TOX3: variants seen among roughly 807,000 people sequenced by gnomAD.
The protein encoded by TOX3 is CAG trinucleotide repeat-containing gene F9 protein.
TOX3 carries 22 observed loss-of-function variants against 64.3 expected under a neutral mutation model. The ratio of observed to expected loss-of-function variants is 0.34; its 90% CI spans 0.24 to 0.49. The LOEUF (loss-of-function observed/expected upper bound fraction) is 0.49, where lower values mean the gene tolerates loss of function less well. Ranked by LOEUF, TOX3 falls within the 20% of genes least tolerant of loss-of-function variation. The pLI is 0.99. For missense variants in TOX3, 661 were observed against 714.4 expected, an observed-to-expected ratio of 0.93 and a Z score of 0.85; for synonymous variants, 291 against 273.6, an observed-to-expected ratio of 1.06 and a Z score of -0.63.
intron 1 of TOX3, among the ~76,000 whole-genome samples, chr16:52,487,972 T>C (rs1961576110): frequency 6.6e-6 from 1 of 152,192 alleles, no homozygotes; most frequent in Non-Finnish European, 1.5e-5. Flanking sequence ...CTGACCCATA[T>C]TGAATCCTTT....
chr16:52,473,516 G>A (rs974020486), intron 1 of TOX3, among the ~76,000 whole-genome samples: 14 of 152,258 alleles, frequency 9.2e-5, no homozygotes, highest in African/African-American at 1.9e-4. Flanking sequence ...TGCCACGCAC[G>A]GTCACATGCT....
intron 1 of TOX3, among the ~76,000 whole-genome samples, chr16:52,534,945 G>C (rs779949536): frequency 3.9e-5 from 6 of 152,078 alleles, no homozygotes; most frequent in Non-Finnish European, 8.8e-5. Context: ...ATGATGTGTG[G>C]TTCTTGCAAA....
intron 3 of TOX3, among the ~76,000 whole-genome samples, chr16:52,460,147 T>G (rs1335129871): frequency 1.3e-5 from 2 of 152,192 alleles, no homozygotes; most frequent in Non-Finnish European, 2.9e-5. Context: ...CTTACTTCCA[T>G]CTTTTTCAAT....
intron 1 of TOX3, among the ~76,000 whole-genome samples, chr16:52,525,164 T>C (rs1328463583): frequency 6.6e-6 from 1 of 152,180 alleles, no homozygotes; most frequent in African/African-American, 2.4e-5. Context: ...CTTGAGAACC[T>C]TTCTGACGAA....
intron 6 of TOX3, among the ~76,000 whole-genome samples, chr16:52,443,075 T>C (rs773976099): frequency 6.6e-6 from 1 of 152,192 alleles, no homozygotes; most frequent in Non-Finnish European, 1.5e-5. Context: ...AAATCACCTA[T>C]ACCTGCTCTG....
At position 52,439,897 on chromosome 16, in the gene TOX3, T is replaced by A. The variant is rs750335349; in HGVS notation, c.1059A>T (p.Thr353=). ...VQQTLASTNL[T]SSLLLNTPLS... is the part of the protein sequence containing the mutation. ...GTGGAGTGTTGAGAAGGAGAGAGGA[T>A]GTTAGATTGGTCGACGCCAGGGTCT... The change falls in exon 7 of 7, where the codon ACA becomes ACT. Residue 353 remains threonine, a synonymous_variant. Transcript: ENST00000219746. The A allele has an allele frequency of 1.9e-6, 3 of 1,612,890 alleles. No individual in the cohort carries two copies. The highest frequency in any genetic ancestry group is 2.5e-6 in the Non-Finnish European group (3 of 1,179,328).
intron 3 of TOX3, among the ~76,000 whole-genome samples, chr16:52,460,140 A>G (rs368313145): frequency 6.6e-6 from 1 of 151,998 alleles, no homozygotes; most frequent in East Asian, 1.9e-4. Flanking sequence ...TACTTTCCTT[A>G]CTTCCATCTT....
At position 52,465,449 on chromosome 16, in the gene TOX3, G is replaced by GT. The variant is rs1293313017; in HGVS notation, c.154-1262dup. ...GTTCTGGGGGAGTGGCAAGGTCTAG[G>GT]TTTTTTTTTGTTTCTTTTTGGTTTT... On this transcript the variant is annotated intron_variant, in intron 2 of 6. Transcript: ENST00000219746. Among the ~76,000 whole-genome samples, 214 of 142,404 alleles carry GT rather than the reference G, an allele frequency of 1.5e-3. 1 individual carries two copies. Among genetic ancestry groups the GT allele is most frequent in the African/African-American group, 4.9e-3 (190 of 38,746 alleles). 93.4% of individuals were successfully genotyped at this position (142,404 alleles called of 152,430 possible).
chr16:52,440,748 C>CTTTTTTTTTTTTTTT (rs1425662404), intron 6 of TOX3, among the ~76,000 whole-genome samples: 1 of 89,456 alleles, frequency 1.1e-5, no homozygotes. Context: ...ATTTTTCTTT[C>CTTTTTTTTTTTTTTT]TTTCTTTTTT....
chr16:52,438,848 G>A lies in TOX3; in HGVS notation c.*377C>T. ...AGGAGTTCAGATAGCCTGGAAGTGTGGTTTACTCACTTCTGGAGAAATAAG... is the reference window on the plus strand; with the variant it reads ...AGGAGTTCAGATAGCCTGGAAGTGTAGTTTACTCACTTCTGGAGAAATAAG... On this transcript the variant is annotated 3_prime_UTR_variant, in exon 7 of 7. Coordinates refer to ENST00000219746, the MANE Select transcript of TOX3 (RefSeq NM_001080430.4). 4.1e-6 allele frequency: 2 copies of A among 490,838 alleles called. No homozygotes were observed. Among genetic ancestry groups the A allele is most frequent in the Non-Finnish European group, 4.0e-6 (1 of 250,954 alleles). 30.4% of individuals were successfully genotyped at this position (490,838 alleles called of 1,614,324 possible).
chr16:52,478,228 C>G (rs1347090394), intron 1 of TOX3, among the ~76,000 whole-genome samples: 4 of 152,190 alleles, frequency 2.6e-5, no homozygotes, highest in Non-Finnish European at 5.9e-5. Context: ...TGGGTGCTGG[C>G]TCCTTCTCCA....
rs141515356 is a variant in TOX3 at position 52,452,535 on chromosome 16, G to C, written c.409-1989C>G. 4.1e-3 allele frequency among the ~76,000 whole-genome samples: 627 copies of C among 151,976 alleles called. 4 individuals carry two copies. The highest frequency in any genetic ancestry group is 0.014 in the African/African-American group (599 of 41,444). On this transcript the variant is annotated intron_variant, in intron 3 of 6. Coordinates refer to ENST00000219746, the MANE Select transcript of TOX3 (RefSeq NM_001080430.4). ...CAAGTCTTTGCTATTGTTGTGGGGT[G>C]GGGGGAATGGGGAGGGATAGCATTA...
chr16:52,440,515 T>C (rs1189482558), intron 6 of TOX3, among the ~76,000 whole-genome samples: 1 of 152,170 alleles, frequency 6.6e-6, no homozygotes, highest in African/African-American at 2.4e-5. Context: ...CACAGCACTA[T>C]TGTGGCAAAA....
Position 52,485,205 on chromosome 16 carries a change from T to TAC in TOX3, c.88-16632_88-16631insGT, listed in dbSNP as rs1491453137. Among the ~76,000 whole-genome samples the TAC allele has an allele frequency of 1.2e-4, 16 of 130,688 alleles. No homozygotes were observed. The East Asian group carries it at 2.2e-3, about 18-fold the overall frequency. The allele number at this position is 130,688 out of a possible 152,430, so 85.7% of individuals were successfully genotyped here. On this transcript the variant is annotated intron_variant, in intron 1 of 6. Coordinates refer to ENST00000219746, the MANE Select transcript of TOX3 (RefSeq NM_001080430.4). Reference sequence around the variant, plus strand: ...TGTGTATATGTAGTGTGTGTGTATATGTGTGTGTGTATATACATGTGTGTG... The same window carrying TAC: ...TGTGTATATGTAGTGTGTGTGTATATACGTGTGTGTGTATATACATGTGTGTG...
intron 1 of TOX3, among the ~76,000 whole-genome samples, chr16:52,519,120 ACCAACCTGTTCTAG>A (rs1029457927): frequency 6.6e-6 from 1 of 152,344 alleles, no homozygotes; most frequent in African/African-American, 2.4e-5. Flanking sequence ...GGCATGTAGA[ACCAACCTGTTCTAG>A]CGCTAAATGC....
intron 1 of TOX3, among the ~76,000 whole-genome samples, chr16:52,470,932 G>A (rs970795739): frequency 2.6e-5 from 4 of 152,164 alleles, no homozygotes; most frequent in Admixed American, 1.3e-4. Flanking sequence ...TAGAACTAAA[G>A]GTTTCTATTC....
At chr16:52,504,714 AAAGGC>A (rs547357331) in intron 1 of TOX3, among the ~76,000 whole-genome samples, 36 of 152,260 alleles carry the variant, frequency 2.4e-4, no homozygotes, top group African/African-American at 4.3e-4. Flanking sequence ...AATGAGACAG[AAAGGC>A]AAGGCAAGGC....
intron 1 of TOX3, among the ~76,000 whole-genome samples, chr16:52,490,670 C>T (rs1961657716): frequency 1.6e-5 from 2 of 125,410 alleles, no homozygotes. Flanking sequence ...TGCTCTGTCA[C>T]CCAGGCTGGA....
At chr16:52,473,891 C>T (rs1248829351) in intron 1 of TOX3, among the ~76,000 whole-genome samples, 1 of 152,114 alleles carries the variant, frequency 6.6e-6, no homozygotes, top group African/African-American at 2.4e-5. Context: ...TACACACAAG[C>T]ATATATGCAC....
Sources: gnomAD v4.1 joint callset for allele counts (sites outside exome capture counted in the v4.1 genomes callset) on GRCh38, gnomAD v4.1.1 for gene constraint, MANE v1.5 for transcripts, NCBI Gene and HGNC (gene_info 2026-07-23, HGNC 2026-07-21) for gene names.